Variants in DNM3 observed in about 807,000 individuals in gnomAD.
DNM3 encodes dynamin 3.
In DNM3, 47 loss-of-function variants were observed where a neutral mutation model predicts 101.6. That is an observed-to-expected ratio of 0.46 (90% CI 0.37 to 0.59). The LOEUF (loss-of-function observed/expected upper bound fraction) is 0.59, where lower values mean the gene tolerates loss of function less well. Among genes scored for constraint, DNM3 ranks in the 20% least tolerant of loss-of-function variants. The pLI is 0.00. For missense variants in DNM3, 849 were observed against 1,085.7 expected (o/e 0.78, Z 3.06); for synonymous variants, 385 against 387.9 (o/e 0.99, Z 0.09).
intron 20 of DNM3, among the ~76,000 whole-genome samples, chr1:172,400,197 T>C (rs937608967): frequency 6.6e-6 from 1 of 152,122 alleles, no homozygotes; most frequent in African/African-American, 2.4e-5. Context: ...GCCCAGTAGC[T>C]AGTTCTCAGC....
chr1:172,158,763 T>C (rs1425966962), intron 14 of DNM3, among the ~76,000 whole-genome samples: 1 of 152,048 alleles, frequency 6.6e-6, no homozygotes, highest in Non-Finnish European at 1.5e-5. Context: ...TATTGATAGG[T>C]TTGATGTAAA....
At chr1:172,308,937 C>A in intron 16 of DNM3, 98 bp downstream of exon 16, 1 of 599,282 alleles carries the variant, frequency 1.7e-6, no homozygotes, top group South Asian at 3.1e-5. Flanking sequence ...AGTTTTCTTA[C>A]TGACTTAATT....
Position 171,869,324 on chromosome 1 carries a change from C to G in DNM3, c.161+27507C>G, listed in dbSNP as rs574278968. On this transcript the variant is annotated intron_variant, in intron 1 of 20. Transcript: ENST00000627582. ...TGCTGCCCTCCCCATGCCTGAGGAG[C>G]TGTGGGCTGCTTGCTTACAGCTCAG... 2.9e-3 allele frequency among the ~76,000 whole-genome samples: 442 copies of G among 152,304 alleles called. 4 individuals are homozygous for G. The highest frequency in any genetic ancestry group is 3.7e-3 in the Non-Finnish European group (255 of 68,024).
At chr1:171,907,721 TTAC>T (rs1248403790) in intron 1 of DNM3, among the ~76,000 whole-genome samples, 1 of 152,184 alleles carries the variant, frequency 6.6e-6, no homozygotes, top group African/African-American at 2.4e-5. Context: ...CTTCAAGTCG[TTAC>T]TAAACTCTCA....
At chr1:171,904,279 G>A (rs1242228115) in intron 1 of DNM3, among the ~76,000 whole-genome samples, 1 of 152,158 alleles carries the variant, frequency 6.6e-6, no homozygotes, top group Non-Finnish European at 1.5e-5. Context: ...CTGCATTCCA[G>A]CCTGTGCGGC....
At chr1:172,134,784 G>A (rs1230860059) in intron 14 of DNM3, among the ~76,000 whole-genome samples, 1 of 152,114 alleles carries the variant, frequency 6.6e-6, no homozygotes, top group Non-Finnish European at 1.5e-5. Context: ...ACACAGGTAG[G>A]GGGTACTTTA....
intron 14 of DNM3, among the ~76,000 whole-genome samples, chr1:172,144,989 A>C (rs1217905051): frequency 5.9e-5 from 9 of 152,262 alleles, no homozygotes; most frequent in African/African-American, 1.9e-4. Context: ...TGTAACGTTA[A>C]GCAGTCATTT....
chr1:172,401,154 T>A (rs2070456359), intron 20 of DNM3, among the ~76,000 whole-genome samples: 1 of 152,224 alleles, frequency 6.6e-6, no homozygotes, highest in Non-Finnish European at 1.5e-5. Context: ...CTTGCAAGCC[T>A]CAATCAAAAT....
intron 4 of DNM3, among the ~76,000 whole-genome samples, chr1:171,996,357 T>C (rs1263610691): frequency 6.6e-6 from 1 of 152,188 alleles, no homozygotes; most frequent in East Asian, 1.9e-4. Flanking sequence ...CTCTTACTTT[T>C]GCTTTAGTTT....
chr1:172,118,789 A>T (rs1045240066), intron 13 of DNM3, among the ~76,000 whole-genome samples: 6 of 152,104 alleles, frequency 3.9e-5, no homozygotes, highest in African/African-American at 1.4e-4. Flanking sequence ...AATGCTTTCA[A>T]ACCAGTCACA....
At chr1:171,906,545 A>G (rs1306041261) in intron 1 of DNM3, among the ~76,000 whole-genome samples, 1 of 152,112 alleles carries the variant, frequency 6.6e-6, no homozygotes, top group African/African-American at 2.4e-5. Context: ...CTCACTGATA[A>G]TGTACTTTAA....
At position 171,972,806 on chromosome 1, in the gene DNM3, A is replaced by G. The variant is rs111423883; in HGVS notation, c.236-14850A>G. 9.6e-3 allele frequency among the ~76,000 whole-genome samples: 1,455 copies of G among 152,178 alleles called. 35 individuals carry two copies. Among genetic ancestry groups the G allele is most frequent in the African/African-American group, 0.033 (1,380 of 41,520 alleles). On this transcript the variant is annotated intron_variant, in intron 2 of 20. Transcript: ENST00000627582. ...GGAAGTTGCAGTGGGCTGAGATCGC[A>G]CCATTGCACTCCAGCCTGGGCAACA...
chr1:171,933,893 A>G (rs1419216124), intron 2 of DNM3, among the ~76,000 whole-genome samples: 1 of 152,212 alleles, frequency 6.6e-6, no homozygotes, highest in Non-Finnish European at 1.5e-5. Flanking sequence ...AAATGTGGGC[A>G]GCTGTGGTTA....
intron 1 of DNM3, among the ~76,000 whole-genome samples, chr1:171,873,487 T>A (rs1200075570): frequency 6.6e-6 from 1 of 152,050 alleles, no homozygotes; most frequent in Non-Finnish European, 1.5e-5. Flanking sequence ...ATACCCAAAG[T>A]AAATAAGTAA....
intron 17 of DNM3, among the ~76,000 whole-genome samples, chr1:172,363,208 G>C (rs1325907121): frequency 6.6e-6 from 1 of 151,642 alleles, no homozygotes; most frequent in African/African-American, 2.4e-5. Flanking sequence ...TATTCTTATG[G>C]CTCCAGCTTC....
intron 17 of DNM3, among the ~76,000 whole-genome samples, chr1:172,351,330 A>C (rs531385165): frequency 6.6e-6 from 1 of 152,348 alleles, no homozygotes; most frequent in South Asian, 2.1e-4. Flanking sequence ...TGAGTTCCAA[A>C]GCTTCTGCTA....
chr1:172,300,448 T>A (rs1258775944), intron 15 of DNM3, among the ~76,000 whole-genome samples: 2 of 152,178 alleles, frequency 1.3e-5, no homozygotes, highest in Admixed American at 6.6e-5. Flanking sequence ...GAGTATTTAG[T>A]CATAAATTCT....
At chr1:171,948,671 G>A (rs777049681) in intron 2 of DNM3, among the ~76,000 whole-genome samples, 14 of 152,090 alleles carry the variant, frequency 9.2e-5, no homozygotes, top group Non-Finnish European at 1.8e-4. Flanking sequence ...CTGGAACCCT[G>A]TTAACATACT....
intron 13 of DNM3, among the ~76,000 whole-genome samples, chr1:172,106,349 A>G (rs2055010657): frequency 6.6e-6 from 1 of 152,152 alleles, no homozygotes; most frequent in African/African-American, 2.4e-5. Flanking sequence ...TGAACCCAGA[A>G]GAAGGAAGTT....
Sources: gnomAD v4.1 joint callset for allele counts (sites outside exome capture counted in the v4.1 genomes callset) on GRCh38, gnomAD v4.1.1 for gene constraint, MANE v1.5 for transcripts, NCBI Gene and HGNC (gene_info 2026-07-23, HGNC 2026-07-21) for gene names.